KIF1C: variants seen among roughly 807,000 people sequenced by gnomAD.
The protein encoded by KIF1C is kinesin family member 1C.
A neutral mutation model predicts 126.5 loss-of-function variants in KIF1C; 61 were observed. The ratio of observed to expected loss-of-function variants is 0.48; its 90% CI spans 0.39 to 0.60. The LOEUF (loss-of-function observed/expected upper bound fraction) is 0.60, where lower values mean the gene tolerates loss of function less well. Ranked by LOEUF, KIF1C falls within the 20% of genes least tolerant of loss-of-function variation. The pLI, the probability that KIF1C is intolerant of heterozygous loss-of-function variation, is 0.00. For synonymous variants in KIF1C, 640 were observed against 580.6 expected, an observed-to-expected ratio of 1.10 and a Z score of -1.47; for missense variants, 1,315 against 1,489.2, an observed-to-expected ratio of 0.88 and a Z score of 1.93.
chr17:5,007,176 G>T, intron 14 of KIF1C, 87 bp from the exon 15 acceptor site: 1 of 1,565,860 alleles, frequency 6.4e-7, no homozygotes. Flanking sequence ...GGAATTCTAG[G>T]AGTAGCATGG....
intron 16 of KIF1C, among the ~76,000 whole-genome samples, chr17:5,007,836 C>T (rs958725696): frequency 1.3e-5 from 2 of 152,162 alleles, no homozygotes; most frequent in East Asian, 1.9e-4. Context: ...GTATTCTGTG[C>T]ATGCTCAAAA....
intron 8 of KIF1C, among the ~76,000 whole-genome samples, chr17:5,003,143 C>T (rs1261973663): frequency 6.6e-6 from 1 of 151,804 alleles, no homozygotes; most frequent in Non-Finnish European, 1.5e-5. Context: ...CTCCCGGGTT[C>T]AAGTGATTCT....
In KIF1C at chr17:5,024,258, TGAGA is replaced by T; in HGVS notation, c.*112_*115del. On this transcript the variant is annotated 3_prime_UTR_variant, in exon 23 of 23. Coordinates refer to ENST00000320785, the MANE Select transcript of KIF1C (RefSeq NM_006612.6). ...TGCTGGGGCAGGGAGGCCCAGGAGA[TGAGA>T]GAGAAGGTCCGAGTAGGTGATAGAA... 1.2e-6 allele frequency: 1 copy of T among 810,520 alleles called. No homozygotes were observed. Among genetic ancestry groups the T allele is most frequent in the Non-Finnish European group, 2.0e-6 (1 of 509,884 alleles). 50.2% of individuals were successfully genotyped at this position (810,520 alleles called of 1,614,324 possible). A position where few individuals can be genotyped will look rare whatever the true frequency, so the allele number is the denominator to read the frequency against.
At chr17:5,013,626 CCT>C (rs1567724980) in intron 16 of KIF1C, 25 bp from the exon 17 acceptor site, 1 of 1,591,994 alleles carries the variant, frequency 6.3e-7, no homozygotes, top group Non-Finnish European at 8.6e-7. Context: ...GCTGGCTCCC[CCT>C]GACCACCTTT....
At position 5,001,374 on chromosome 17, in the gene KIF1C, G is replaced by A; in HGVS notation, c.336G>A (p.Glu112=). The change falls in exon 5 of 23, where the codon GAG becomes GAA. Residue 112 remains glutamate, a synonymous_variant. Coordinates refer to ENST00000320785, the MANE Select transcript of KIF1C (RefSeq NM_006612.6). ...GKSYTMMGRQ[E]PGQQGIVPQL... is the part of the protein sequence containing the mutation. ...CCTATACCATGATGGGGCGACAGGA[G>A]CCAGGGCAGCAGGGCATCGTGCCCC... 6.2e-7 allele frequency: 1 copy of A among 1,614,094 alleles called. No individual in the cohort carries two copies.
intron 5 of KIF1C, 23 bp from the exon 6 acceptor site, chr17:5,002,036 T>C (rs750717649): frequency 6.2e-7 from 1 of 1,611,630 alleles, no homozygotes; most frequent in Non-Finnish European, 8.5e-7. Flanking sequence ...AGCTTCTCTG[T>C]ATTTCCCTGT....
chr17:5,017,077 T>TC (rs1359747321), intron 18 of KIF1C, among the ~76,000 whole-genome samples: 3 of 152,094 alleles, frequency 2.0e-5, no homozygotes, highest in Non-Finnish European at 4.4e-5. Flanking sequence ...AAGTTCCTGT[T>TC]CTGCGGCAAC....
rs1974667427 is a variant in KIF1C, at chr17:5,003,981, C to T, written c.865-17C>T. On this transcript the variant is annotated splice_polypyrimidine_tract_variant and intron_variant, in intron 10 of 22. Coordinates refer to ENST00000320785, the MANE Select transcript of KIF1C (RefSeq NM_006612.6). ...GGAGTGACCCACCCTAACCTCCTTC[C>T]TCCTTTTATCCCCCAGCAATCAAAG... 6.2e-7 allele frequency: 1 copy of T among 1,613,232 alleles called. No individual in the cohort carries two copies. The highest frequency in any genetic ancestry group is 8.5e-7 in the Non-Finnish European group (1 of 1,179,222).
chr17:5,005,767 G>A (rs556620700), intron 13 of KIF1C, among the ~76,000 whole-genome samples: 18 of 148,808 alleles, frequency 1.2e-4, no homozygotes, highest in Admixed American at 3.4e-4. Flanking sequence ...TTGCTCTGTC[G>A]CTAGGCTGGA....
At chr17:5,021,172 T>TTG in intron 21 of KIF1C, among the ~76,000 whole-genome samples, 1 of 137,624 alleles carries the variant, frequency 7.3e-6, no homozygotes, top group Middle Eastern at 3.6e-3. Context: ...TGTTGTGGTT[T>TTG]TTTTTTTTTT....
chr17:5,012,454 C>CG (rs1233352279), intron 16 of KIF1C, among the ~76,000 whole-genome samples: 2 of 151,872 alleles, frequency 1.3e-5, no homozygotes, highest in Non-Finnish European at 2.9e-5. Context: ...CTCAGGGGTC[C>CG]GCTGAGTGGA....
intron 16 of KIF1C, among the ~76,000 whole-genome samples, chr17:5,009,112 G>GAA (rs796782971): frequency 1.5e-5 from 2 of 136,904 alleles, no homozygotes; most frequent in Non-Finnish European, 1.6e-5. Context: ...TTTTGTTATA[G>GAA]AAAAAAAAAA....
intron 18 of KIF1C, among the ~76,000 whole-genome samples, chr17:5,017,969 T>G (rs1975011610): frequency 6.6e-6 from 1 of 151,930 alleles, no homozygotes; most frequent in African/African-American, 2.4e-5. Flanking sequence ...ATTCCCTCCT[T>G]TTTTATTTTC....
intron 18 of KIF1C, among the ~76,000 whole-genome samples, chr17:5,017,659 C>T (rs574698251): frequency 2.6e-5 from 4 of 152,148 alleles, no homozygotes; most frequent in African/African-American, 4.8e-5. Context: ...GCAGAGAGGA[C>T]GGGGGCAGCA....
rs200235697 is a variant in KIF1C at position 5,003,738 on chromosome 17, G to A, written c.798+49G>A. Reference sequence around the variant, plus strand: ...TTGTTGTGGGGCAGTGTTGTGGGCTGTATGTGGAGGTCTCCAGTCGGAACC... The same window carrying A: ...TTGTTGTGGGGCAGTGTTGTGGGCTATATGTGGAGGTCTCCAGTCGGAACC... On this transcript the variant is annotated intron_variant, in intron 9 of 22. Coordinates refer to ENST00000320785, the MANE Select transcript of KIF1C (RefSeq NM_006612.6). The A allele has an allele frequency of 2.6e-5, 41 of 1,569,412 alleles. No homozygotes were observed. In the Admixed American group the frequency reaches 6.7e-4, roughly 26 times the overall value.
In KIF1C at chr17:5,003,698, C is replaced by A; in HGVS notation, c.798+9C>A. Reference sequence around the variant, plus strand: ...GGGGCATGCGCCTGAAGGTGAGGGGCCTTCAGAGGGTGGTTTGTTGTGGGG... The same window carrying A: ...GGGGCATGCGCCTGAAGGTGAGGGGACTTCAGAGGGTGGTTTGTTGTGGGG... On this transcript the variant is annotated intron_variant, in intron 9 of 22. Transcript: ENST00000320785. 3 of 1,611,768 alleles carry A rather than the reference C, an allele frequency of 1.9e-6. No individual in the cohort carries two copies. The highest frequency in any genetic ancestry group is 2.5e-6 in the Non-Finnish European group (3 of 1,178,318).
chr17:5,023,929 C>T lies in KIF1C; in HGVS notation c.3090C>T (p.Arg1030=). 6.4e-7 allele frequency: 1 copy of T among 1,570,784 alleles called. No individual in the cohort carries two copies. Among genetic ancestry groups the T allele is most frequent in the Non-Finnish European group, 8.6e-7 (1 of 1,158,154 alleles). ...PPSPRRSHHP[R]RNSLDGGGRS... is the part of the protein sequence containing the mutation. ...GTCCCCGAAGGTCCCACCATCCCCG[C>T]AGGAACTCCCTGGATGGAGGGGGCC... The change falls in exon 23 of 23, where the codon CGC becomes CGT. Residue 1030 remains arginine, a synonymous_variant. Coordinates refer to ENST00000320785, the MANE Select transcript of KIF1C (RefSeq NM_006612.6). This position sits in a 1 kb window ranked among gnomAD's most constrained non-coding sequence, Gnocchi z 4.2.
rs1484434754 is a variant in KIF1C, at chr17:4,997,991, A to G, written c.-314A>G. ...GCGGGCGCCGGCCGCTGGCGCCGCT[A>G]CTGCTGCCGCCCCCGGGGCGCGAGT... On this transcript the variant is annotated 5_prime_UTR_variant, in exon 1 of 23. Coordinates refer to ENST00000320785, the MANE Select transcript of KIF1C (RefSeq NM_006612.6). 3 of 145,230 alleles carry G rather than the reference A, an allele frequency of 2.1e-5. No individual in the cohort carries two copies. Among genetic ancestry groups the G allele is most frequent in the Non-Finnish European group, 3.0e-5 (2 of 65,774 alleles). 9.0% of individuals were successfully genotyped at this position (145,230 alleles called of 1,614,324 possible).
chr17:5,000,700 G>C (rs1974565934), intron 3 of KIF1C, 72 bp from the exon 4 acceptor site: 1 of 1,358,440 alleles, frequency 7.4e-7, no homozygotes, highest in Admixed American at 1.7e-5. Context: ...TCCAGGGGCT[G>C]GTTGGGGTAT....
Sources: allele counts gnomAD v4.1 joint callset (sites outside exome capture counted in the v4.1 genomes callset), GRCh38; gene constraint gnomAD v4.1.1; non-coding constraint Gnocchi (gnomAD v3.1); transcripts MANE v1.5; gene names NCBI Gene and HGNC (gene_info 2026-07-23, HGNC 2026-07-21).